Variants in RAD51B observed in about 807,000 individuals in gnomAD.
RAD51B encodes the protein DNA repair protein RAD51 homolog 2.
In RAD51B, 38 loss-of-function variants were observed where a neutral mutation model predicts 42.2. The observed-to-expected ratio is 0.90, with a 90% CI of 0.70 to 1.18. The LOEUF (loss-of-function observed/expected upper bound fraction) is 1.18. Among genes scored for constraint, RAD51B ranks in the 50% most tolerant of loss-of-function variants. RAD51B has a pLI of 0.00. For missense variants in RAD51B, 373 were observed against 400.7 expected (o/e 0.93, Z 0.59); for synonymous variants, 154 against 145.2 (o/e 1.06, Z -0.43).
intron 11 of RAD51B, among the ~76,000 whole-genome samples, chr14:68,655,375 TG>T (rs1238900113): frequency 1.3e-5 from 2 of 151,380 alleles, no homozygotes; most frequent in African/African-American, 4.9e-5. Context: ...CAGGAACACA[TG>T]GTGATGGGGG....
chr14:68,497,041 G>A, intron 10 of RAD51B: 1 of 1,255,952 alleles, frequency 8.0e-7, no homozygotes, highest in African/African-American at 1.5e-5. Context: ...ATAAACAACA[G>A]TTTTAGCCTC....
At chr14:67,978,538 C>T (rs1595196006) in intron 7 of RAD51B, among the ~76,000 whole-genome samples, 1 of 152,204 alleles carries the variant, frequency 6.6e-6, no homozygotes, top group African/African-American at 2.4e-5. Flanking sequence ...CGCTTCCCTT[C>T]CCTGGTGTGT....
At chr14:67,893,515 AAAAC>A (rs1336855199) in intron 7 of RAD51B, among the ~76,000 whole-genome samples, 2 of 146,970 alleles carry the variant, frequency 1.4e-5, no homozygotes, top group Non-Finnish European at 1.5e-5. Flanking sequence ...CACACAAAAA[AAAAC>A]AATTAGCTGG....
At chr14:68,055,172 A>G (rs1419148321) in intron 7 of RAD51B, among the ~76,000 whole-genome samples, 1 of 152,226 alleles carries the variant, frequency 6.6e-6, no homozygotes, top group Non-Finnish European at 1.5e-5. Context: ...TAGTTTTCAC[A>G]TTCATAAAAA....
intron 7 of RAD51B, among the ~76,000 whole-genome samples, chr14:68,122,756 A>G (rs900624239): frequency 1.7e-4 from 26 of 152,246 alleles, no homozygotes; most frequent in African/African-American, 6.0e-4. Flanking sequence ...ATCAATACTT[A>G]TAATAGCAGA....
At chr14:68,303,852 T>C (rs2081800727) in intron 8 of RAD51B, among the ~76,000 whole-genome samples, 1 of 152,068 alleles carries the variant, frequency 6.6e-6, no homozygotes, top group Admixed American at 6.6e-5. Context: ...TGAGAGAAAA[T>C]AGCAAATGAC....
At chr14:67,827,014 T>A (rs987093769) in intron 3 of RAD51B, among the ~76,000 whole-genome samples, 1 of 152,188 alleles carries the variant, frequency 6.6e-6, no homozygotes, top group Non-Finnish European at 1.5e-5. Flanking sequence ...AGATTTAGCT[T>A]GTGATCTGAG....
At chr14:68,453,251 A>C (rs2085602779) in intron 9 of RAD51B, among the ~76,000 whole-genome samples, 1 of 152,228 alleles carries the variant, frequency 6.6e-6, no homozygotes, top group South Asian at 2.1e-4. Context: ...AAACTAATAA[A>C]GTTAATCCAA....
intron 7 of RAD51B, among the ~76,000 whole-genome samples, chr14:67,905,103 G>C (rs1332739538): frequency 6.6e-6 from 1 of 151,990 alleles, no homozygotes; most frequent in Non-Finnish European, 1.5e-5. Flanking sequence ...TAAAAGGAAG[G>C]AATCTAATTT....
chr14:68,506,763 C>T (rs1885359621), intron 10 of RAD51B, among the ~76,000 whole-genome samples: 1 of 151,994 alleles, frequency 6.6e-6, no homozygotes, highest in Non-Finnish European at 1.5e-5. Flanking sequence ...TATGTATGGG[C>T]ACATCTCATT....
intron 8 of RAD51B, among the ~76,000 whole-genome samples, chr14:68,313,907 T>C (rs2082008751): frequency 7.1e-6 from 1 of 139,996 alleles, no homozygotes; most frequent in Non-Finnish European, 1.6e-5. Context: ...TCTCTGGCTA[T>C]CTTGAAATCT....
intron 7 of RAD51B, among the ~76,000 whole-genome samples, chr14:68,025,784 A>G (rs987913780): frequency 3.3e-5 from 5 of 152,192 alleles, no homozygotes; most frequent in South Asian, 2.1e-4. Context: ...CTAGCAGTCT[A>G]TCAGTCTTGT....
intron 11 of RAD51B, among the ~76,000 whole-genome samples, chr14:68,658,178 G>C (rs1430429252): frequency 6.6e-6 from 1 of 152,208 alleles, no homozygotes. Flanking sequence ...GATGGGGTGG[G>C]GAGAGCTCCC....
At chr14:68,102,307 C>G (rs1184599649) in intron 7 of RAD51B, among the ~76,000 whole-genome samples, 2 of 152,174 alleles carry the variant, frequency 1.3e-5, no homozygotes, top group African/African-American at 2.4e-5. Flanking sequence ...TTTCTGTAGT[C>G]TGCTTGAATT....
intron 8 of RAD51B, among the ~76,000 whole-genome samples, chr14:68,314,866 G>A (rs1189307371): frequency 3.3e-5 from 5 of 152,148 alleles, no homozygotes; most frequent in African/African-American, 1.2e-4. Context: ...CCACCATCCA[G>A]TTGCCAGAAC....
At chr14:68,067,060 A>G (rs1244993079) in intron 7 of RAD51B, among the ~76,000 whole-genome samples, 2 of 152,236 alleles carry the variant, frequency 1.3e-5, no homozygotes, top group East Asian at 1.9e-4. Flanking sequence ...TCATTCAGCA[A>G]ACTTTGTAAG....
At position 67,826,793 on chromosome 14, in the gene RAD51B, C is replaced by T. The variant is rs567986493; in HGVS notation, c.198+1216C>T. 7.9e-5 allele frequency among the ~76,000 whole-genome samples: 12 copies of T among 152,174 alleles called. No homozygotes were observed. In the East Asian group the frequency reaches 2.3e-3, roughly 29 times the overall value. The stretch of plus-strand genomic sequence containing the variant: ...CGCCTCCTGGGCTCAAGCCATCCTC[C>T]CACCGCAGCCTCCCGAGTGGCTGGG... On this transcript the variant is annotated intron_variant, in intron 3 of 10. Coordinates refer to ENST00000471583, the MANE Select transcript of RAD51B (RefSeq NM_133510.4).
chr14:67,878,575 C>T (rs971602883), intron 5 of RAD51B, among the ~76,000 whole-genome samples: 5 of 151,178 alleles, frequency 3.3e-5, no homozygotes, highest in Admixed American at 3.3e-4. Flanking sequence ...TTTTCAGGGC[C>T]CTTAAACTCT....
intron 10 of RAD51B, among the ~76,000 whole-genome samples, chr14:68,495,600 C>T (rs922365426): frequency 2.0e-5 from 3 of 151,566 alleles, no homozygotes; most frequent in African/African-American, 7.3e-5. Context: ...CTGCCAAGCG[C>T]GTAGAAGTGG....
Sources: allele counts gnomAD v4.1 joint callset (sites outside exome capture counted in the v4.1 genomes callset), GRCh38; gene constraint gnomAD v4.1.1; transcripts MANE v1.5; gene names NCBI Gene and HGNC (gene_info 2026-07-23, HGNC 2026-07-21).